MYRFL: variants seen among roughly 807,000 people sequenced by gnomAD.
The protein encoded by MYRFL is myelin regulatory factor-like protein.
Under a neutral mutation model 109.4 loss-of-function variants are expected in MYRFL, and 88 were observed. The observed-to-expected ratio is 0.80, with a 90% confidence interval of 0.68 to 0.96. The LOEUF is 0.96. Among genes scored for constraint, MYRFL ranks in the 40% least tolerant of loss-of-function variants. The probability of loss-of-function intolerance (pLI) is 0.00; values close to 1 mark genes in which losing one functional copy is unlikely to be tolerated. For synonymous variants in MYRFL, 324 were observed against 320.9 expected, an observed-to-expected ratio of 1.01 and a Z score of -0.10; for missense variants, 957 against 954.9, an observed-to-expected ratio of 1.00 and a Z score of -0.03.
chr12:69,902,430 T>C (rs970327954), intron 10 of MYRFL, among the ~76,000 whole-genome samples: 2 of 152,226 alleles, frequency 1.3e-5, no homozygotes, highest in African/African-American at 4.8e-5. Context: ...ATCTCCCTCC[T>C]ACCACTGTTT....
chr12:69,943,751 A>C (rs1381582391), intron 19 of MYRFL, among the ~76,000 whole-genome samples: 3 of 142,322 alleles, frequency 2.1e-5, no homozygotes, highest in African/African-American at 5.1e-5. Context: ...CAGGCAACCT[A>C]CAAAATGGGA....
chr12:69,830,503 G>C (rs901198572), intron 1 of MYRFL, among the ~76,000 whole-genome samples: 2 of 149,874 alleles, frequency 1.3e-5, no homozygotes, highest in African/African-American at 2.4e-5. Flanking sequence ...ATATATCTCT[G>C]TGGGATAATT....
chr12:69,859,151 GA>G (rs1768434895), intron 2 of MYRFL, among the ~76,000 whole-genome samples: 1 of 151,940 alleles, frequency 6.6e-6, no homozygotes, highest in South Asian at 2.1e-4. Context: ...CAAACGTTTG[GA>G]AATTTTCCAT....
At position 69,926,932 on chromosome 12, in the gene MYRFL, GGTTTTTTT is replaced by G. The variant is rs1424574365; in HGVS notation, c.1766+199_1766+206del. On this transcript the variant is annotated intron_variant, in intron 14 of 24. Coordinates refer to ENST00000552032, the MANE Select transcript of MYRFL (RefSeq NM_182530.3). ...ACTTTCTTAGTTTTTTTCTGTTGCT[GGTTTTTTT>G]TTTTTTTTTTTTTTTTTTTTTGAGC... Among the ~76,000 whole-genome samples the G allele has an allele frequency of 2.1e-4, 16 of 76,872 alleles. 2 individuals carry two copies. Among genetic ancestry groups the G allele is most frequent in the Non-Finnish European group, 1.3e-4 (5 of 39,082 alleles). The allele number at this position is 76,872 out of a possible 152,430, so 50.4% of individuals were successfully genotyped here.
Position 69,879,320 on chromosome 12 carries a change from T to G in MYRFL, c.331T>G (p.Cys111Gly). Residue 111 changes from cysteine (C) to glycine (G), a missense_variant, in exon 4 of 25, where the codon TGC (cysteine) becomes GGC (glycine). Physicochemically the swap from Cys to Gly is radical, Grantham distance 159. Transcript: ENST00000552032. ...LQSTSGMGDS[C>G]QIHGGFHSCH... ...GAGCACCTCTGGAATGGGCGACTCCTGCCAAATCCACGGAGGCTTTCACAG... is the reference window on the plus strand; with the variant it reads ...GAGCACCTCTGGAATGGGCGACTCCGGCCAAATCCACGGAGGCTTTCACAG... 8.5e-6 allele frequency: 6 copies of G among 702,872 alleles called. No homozygotes were observed. In the South Asian group the frequency reaches 8.9e-5, roughly 10 times the overall value. The allele number at this position is 702,872 out of a possible 1,614,324, so 43.5% of individuals were successfully genotyped here.
rs1247204401 is a variant in MYRFL, at chr12:69,836,291, G to T, written c.46+10728G>T. Among the ~76,000 whole-genome samples, 3 of 152,126 alleles carry T rather than the reference G, an allele frequency of 2.0e-5. No homozygotes were observed. In the South Asian group the frequency reaches 6.2e-4, roughly 32 times the overall value. On this transcript the variant is annotated intron_variant, in intron 1 of 24. Coordinates refer to ENST00000552032, the MANE Select transcript of MYRFL (RefSeq NM_182530.3). ...GCTGCTTCTGTCTCTGCCTTGCTGGGGTCTCGGGTTTTTATAGGCACAGGA... is the reference window on the plus strand; with the variant it reads ...GCTGCTTCTGTCTCTGCCTTGCTGGTGTCTCGGGTTTTTATAGGCACAGGA...
At chr12:69,878,601 AAT>A (rs1205824496) in intron 2 of MYRFL, among the ~76,000 whole-genome samples, 1 of 152,190 alleles carries the variant, frequency 6.6e-6, no homozygotes, top group African/African-American at 2.4e-5. Context: ...TGTCACTTTA[AAT>A]ATTTGTCCTT....
chr12:69,875,822 T>C (rs1885629669), intron 2 of MYRFL, among the ~76,000 whole-genome samples: 1 of 152,192 alleles, frequency 6.6e-6, no homozygotes, highest in Non-Finnish European at 1.5e-5. Flanking sequence ...GAAATCAGTC[T>C]CTAGTGCCAA....
intron 1 of MYRFL, among the ~76,000 whole-genome samples, chr12:69,839,970 A>T (rs1397289512): frequency 6.6e-6 from 1 of 152,192 alleles, no homozygotes; most frequent in Non-Finnish European, 1.5e-5. Flanking sequence ...TTATTATTAT[A>T]CTCTACATTA....
intron 5 of MYRFL, among the ~76,000 whole-genome samples, chr12:69,882,250 A>G (rs1798722543): frequency 6.6e-6 from 1 of 152,164 alleles, no homozygotes; most frequent in Admixed American, 6.5e-5. Flanking sequence ...AAGATAACTG[A>G]TTCCAGACAA....
intron 13 of MYRFL, among the ~76,000 whole-genome samples, chr12:69,922,396 A>C (rs576049557): frequency 1.3e-5 from 2 of 152,290 alleles, no homozygotes; most frequent in African/African-American, 2.4e-5. Flanking sequence ...AAAATTTAGA[A>C]GGGCTTTTGT....
chr12:69,953,766 C>G (rs1192121402), intron 21 of MYRFL, among the ~76,000 whole-genome samples: 8 of 104,916 alleles, frequency 7.6e-5, no homozygotes, highest in Non-Finnish European at 1.5e-4. Flanking sequence ...GCAACCCGGA[C>G]ACACACACAC....
At chr12:69,908,154 T>A (rs533725733) in intron 11 of MYRFL, among the ~76,000 whole-genome samples, 13 of 152,222 alleles carry the variant, frequency 8.5e-5, no homozygotes, top group Non-Finnish European at 1.6e-4. Context: ...GTTATCAATG[T>A]ATTTAACAAT....
At chr12:69,904,617 T>C (rs1196945686) in intron 11 of MYRFL, among the ~76,000 whole-genome samples, 1 of 152,206 alleles carries the variant, frequency 6.6e-6, no homozygotes, top group African/African-American at 2.4e-5. Context: ...AACTGAATCA[T>C]CTTGGAAAGC....
intron 1 of MYRFL, among the ~76,000 whole-genome samples, chr12:69,840,672 C>T (rs189471170): frequency 1.2e-4 from 19 of 152,282 alleles, no homozygotes; most frequent in Admixed American, 5.9e-4. Flanking sequence ...ACATTTCCTC[C>T]GAGAGTCTCC....
At chr12:69,870,985 A>G (rs1246507850) in intron 2 of MYRFL, among the ~76,000 whole-genome samples, 2 of 152,130 alleles carry the variant, frequency 1.3e-5, no homozygotes, top group African/African-American at 4.8e-5. Context: ...ATTGAATTCA[A>G]TGATGCCTGT....
At chr12:69,846,899 G>A (rs1435320013) in intron 1 of MYRFL, among the ~76,000 whole-genome samples, 1 of 151,894 alleles carries the variant, frequency 6.6e-6, no homozygotes, top group Non-Finnish European at 1.5e-5. Flanking sequence ...TCTAACTGGT[G>A]TGAGATGGTA....
chr12:69,936,361 C>T (rs771802985), intron 18 of MYRFL, 26 bp downstream of exon 18: 4 of 1,534,846 alleles, frequency 2.6e-6, no homozygotes, highest in Non-Finnish European at 3.5e-6. Flanking sequence ...TCCTCACCCT[C>T]AAACCCGGTT....
At chr12:69,865,719 T>C (rs540468528) in intron 2 of MYRFL, among the ~76,000 whole-genome samples, 1 of 152,246 alleles carries the variant, frequency 6.6e-6, no homozygotes, top group South Asian at 2.1e-4. Context: ...TTAGTCTCCG[T>C]GATAATAATG....
Sources: gnomAD v4.1 joint callset for allele counts (sites outside exome capture counted in the v4.1 genomes callset) on GRCh38, gnomAD v4.1.1 for gene constraint, MANE v1.5 for transcripts, NCBI Gene and HGNC (gene_info 2026-07-23, HGNC 2026-07-21) for gene names.